FOCAD: variants seen among roughly 807,000 people sequenced by gnomAD.
FOCAD encodes the protein KIAA1797.
Under a neutral mutation model 225.6 loss-of-function variants are expected in FOCAD, and 198 were observed. The ratio of observed to expected loss-of-function variants is 0.88; its 90% confidence interval spans 0.78 to 0.99. The LOEUF (loss-of-function observed/expected upper bound fraction) is 0.99, where lower values mean the gene tolerates loss of function less well. Ranked by LOEUF, FOCAD falls within the 50% of genes least tolerant of loss-of-function variation. The pLI is 0.00. For synonymous variants in FOCAD, 897 were observed against 755.0 expected (o/e 1.19, Z -3.08); for missense variants, 2,713 against 2,123.6 (o/e 1.28, Z -5.46).
intron 2 of FOCAD, among the ~76,000 whole-genome samples, chr9:20,716,502 A>G (rs1478073235): frequency 6.6e-6 from 1 of 152,166 alleles, no homozygotes; most frequent in Non-Finnish European, 1.5e-5. Context: ...TGAAAAGTAT[A>G]TTAGATAAAT....
At chr9:20,753,691 G>A (rs544678791) in intron 5 of FOCAD, among the ~76,000 whole-genome samples, 1 of 152,184 alleles carries the variant, frequency 6.6e-6, no homozygotes, top group Admixed American at 6.5e-5. Flanking sequence ...AGTTAGGGAG[G>A]ATTCCCTCTT....
rs750583031 is a variant in FOCAD at position 20,717,873 on chromosome 9, G to A, written c.132+5G>A. The stretch of plus-strand genomic sequence containing the variant: ...ATTCACCAATCTACAAATCAGGTCT[G>A]TGTTTAACTTTATGCTTTAATTCTC... On this transcript the variant is annotated splice_donor_5th_base_variant and intron_variant, in intron 3 of 43. Coordinates refer to ENST00000338382, the MANE Select transcript of FOCAD (RefSeq NM_001375567.1). 92 of 1,609,508 alleles carry A rather than the reference G, an allele frequency of 5.7e-5. No homozygotes were observed. The highest frequency in any genetic ancestry group is 7.6e-5 in the Non-Finnish European group (89 of 1,177,098).
chr9:20,798,887 T>C (rs1381842597), intron 11 of FOCAD, among the ~76,000 whole-genome samples: 2 of 152,202 alleles, frequency 1.3e-5, no homozygotes, highest in Non-Finnish European at 2.9e-5. Context: ...TTGCCTTTGC[T>C]AGCTTTTGAA....
At position 20,946,756 on chromosome 9, in the gene FOCAD, T is replaced by C. The variant is rs142629368; in HGVS notation, c.3611T>C (p.Ile1204Thr). 289 of 1,613,774 alleles carry C rather than the reference T, an allele frequency of 1.8e-4. 2 individuals are homozygous for C. Among genetic ancestry groups the C allele is most frequent in the Non-Finnish European group, 2.4e-4 (278 of 1,179,802 alleles). ...ACATCAGCGTTCAGTGCTGGAATTATTGAGGCTACAGAGGCTGAGGATGTT... is the reference window on the plus strand; with the variant it reads ...ACATCAGCGTTCAGTGCTGGAATTACTGAGGCTACAGAGGCTGAGGATGTT... The part of the protein sequence containing the change: ...VCTSAFSAGI[I>T]EATEAEDVMN... Residue 1204 changes from isoleucine (I) to threonine (T), a missense_variant, in exon 30 of 44, where the codon ATT becomes ACT. Ile to Thr is a moderately conservative substitution (Grantham distance 89). Transcript: ENST00000338382.
intron 8 of FOCAD, among the ~76,000 whole-genome samples, chr9:20,778,189 T>G (rs962787230): frequency 6.6e-6 from 1 of 151,662 alleles, no homozygotes; most frequent in Non-Finnish European, 1.5e-5. Flanking sequence ...AGCATCTTGC[T>G]TTTTGGCCAT....
chr9:20,882,507 C>T (rs1400522041), intron 20 of FOCAD, among the ~76,000 whole-genome samples: 1 of 152,130 alleles, frequency 6.6e-6, no homozygotes, highest in African/African-American at 2.4e-5. Flanking sequence ...GCTTAGGAAA[C>T]AAAGACGAGC....
chr9:20,975,783 G>T (rs1160207650), intron 35 of FOCAD, among the ~76,000 whole-genome samples: 1 of 152,086 alleles, frequency 6.6e-6, no homozygotes, highest in African/African-American at 2.4e-5. Context: ...AAACAAACCA[G>T]CCACAAAAAG....
chr9:20,897,450 G>A (rs1033289819), intron 21 of FOCAD, among the ~76,000 whole-genome samples: 4 of 148,404 alleles, frequency 2.7e-5, no homozygotes, highest in African/African-American at 9.9e-5. Context: ...TCTTTATTCT[G>A]CTTTTGTATT....
chr9:20,902,503 A>G (rs2131987832), intron 21 of FOCAD, among the ~76,000 whole-genome samples: 1 of 152,048 alleles, frequency 6.6e-6, no homozygotes, highest in South Asian at 2.1e-4. Flanking sequence ...AAGACTTTGA[A>G]CATTATACAA....
At chr9:20,912,021 A>C (rs1319716076) in intron 22 of FOCAD, among the ~76,000 whole-genome samples, 2 of 152,128 alleles carry the variant, frequency 1.3e-5, no homozygotes, top group Admixed American at 6.6e-5. Context: ...AAAAAATTAA[A>C]AGCCTGACAA....
chr9:20,711,386 G>T (rs575360534), intron 1 of FOCAD, among the ~76,000 whole-genome samples: 61 of 152,278 alleles, frequency 4.0e-4, no homozygotes, highest in African/African-American at 1.4e-3. Context: ...ATCAGGATTT[G>T]CATTTAATCC....
At chr9:20,698,179 T>G (rs1823534628) in intron 1 of FOCAD, among the ~76,000 whole-genome samples, 1 of 152,184 alleles carries the variant, frequency 6.6e-6, no homozygotes, top group Non-Finnish European at 1.5e-5. Context: ...TAATTTAAAA[T>G]AAGTAATGTA....
At chr9:20,872,235 G>T (rs1210300995) in intron 18 of FOCAD, among the ~76,000 whole-genome samples, 4 of 152,110 alleles carry the variant, frequency 2.6e-5, no homozygotes, top group African/African-American at 4.8e-5. Flanking sequence ...AAGATTGATG[G>T]GTTGGTCAGT....
intron 11 of FOCAD, among the ~76,000 whole-genome samples, chr9:20,811,470 G>A (rs2131353499): frequency 1.3e-5 from 2 of 152,208 alleles, no homozygotes; most frequent in South Asian, 4.1e-4. Context: ...TATCACTATA[G>A]AAAGATTGTC....
chr9:20,686,457 G>T (rs1350625489), intron 1 of FOCAD, among the ~76,000 whole-genome samples: 1 of 152,196 alleles, frequency 6.6e-6, no homozygotes, highest in Non-Finnish European at 1.5e-5. Context: ...AGATTGCAAG[G>T]TTAATGGGGA....
chr9:20,659,074 G>A (rs1487335339), intron 2 of FOCAD, among the ~76,000 whole-genome samples: 1 of 152,098 alleles, frequency 6.6e-6, no homozygotes, highest in East Asian at 1.9e-4. Context: ...CAAAAAATTA[G>A]CTGGCTGTGG....
chr9:20,746,750 CT>C lies in FOCAD; in HGVS notation c.392+6411del, dbSNP rs1828067451. Among the ~76,000 whole-genome samples, 3 of 152,214 alleles carry C rather than the reference CT, an allele frequency of 2.0e-5. No homozygotes were observed. The South Asian group carries it at 6.2e-4, about 32-fold the overall frequency. ...CATACAGTCCATATTCCAGTTTTGT[CT>C]GTTGTCTCAATAATGTCCTGCCTTT... On this transcript the variant is annotated intron_variant, in intron 5 of 43. Coordinates refer to ENST00000338382, the MANE Select transcript of FOCAD (RefSeq NM_001375567.1).
chr9:20,920,806 A>G (rs1292817856), intron 24 of FOCAD, among the ~76,000 whole-genome samples: 1 of 148,792 alleles, frequency 6.7e-6, no homozygotes, highest in Non-Finnish European at 1.5e-5. Flanking sequence ...CACTCTGGGG[A>G]CTGTTGTGGG....
chr9:20,817,349 C>T (rs13290844), intron 11 of FOCAD, among the ~76,000 whole-genome samples: 50,726 of 151,858 alleles, frequency 0.33, 8,673 homozygotes, highest in East Asian at 0.5. Flanking sequence ...GCCCATAAGA[C>T]GTCACTGCCT....
Sources: gnomAD v4.1 joint callset for allele counts (sites outside exome capture counted in the v4.1 genomes callset) on GRCh38, gnomAD v4.1.1 for gene constraint, MANE v1.5 for transcripts, NCBI Gene and HGNC (gene_info 2026-07-23, HGNC 2026-07-21) for gene names.